The following TMEM132B variants were observed in gnomAD, a reference collection of about 807,000 sequenced individuals.
TMEM132B encodes transmembrane protein 132B.
Under a neutral mutation model 90.8 loss-of-function variants are expected in TMEM132B, and 18 were observed. The observed-to-expected ratio is 0.20, with a 90% CI of 0.14 to 0.29. TMEM132B has a LOEUF of 0.29. Among genes scored for constraint, TMEM132B ranks in the 10% least tolerant of loss-of-function variants. The pLI is 1.00. For missense variants in TMEM132B, 1,096 were observed against 1,326.8 expected, an observed-to-expected ratio of 0.83 and a Z score of 2.70; for synonymous variants, 504 against 523.3, an observed-to-expected ratio of 0.96 and a Z score of 0.50.
chr12:125,584,027 T>G, intron 5 of TMEM132B, 33 bp downstream of exon 5: 1 of 1,613,880 alleles, frequency 6.2e-7, no homozygotes, highest in Non-Finnish European at 8.5e-7. Flanking sequence ...CTGTCCTAAG[T>G]GCTCAGAGCT....
chr12:125,368,246 C>T (rs1172168256), intron 2 of TMEM132B, among the ~76,000 whole-genome samples: 1 of 152,128 alleles, frequency 6.6e-6, no homozygotes, highest in East Asian at 1.9e-4. Flanking sequence ...GCTGTCTCCT[C>T]ATGATTAGAT....
intron 2 of TMEM132B, among the ~76,000 whole-genome samples, chr12:125,377,842 C>T (rs1878541545): frequency 6.6e-6 from 1 of 152,144 alleles, no homozygotes; most frequent in African/African-American, 2.4e-5. Flanking sequence ...GGAGCACCCA[C>T]CCAGCTGGTG....
chr12:125,331,129 A>T (rs1876755372), intron 1 of TMEM132B, among the ~76,000 whole-genome samples: 2 of 151,604 alleles, frequency 1.3e-5, no homozygotes, highest in South Asian at 4.2e-4. Context: ...GGGTCTGCGG[A>T]GGAGGGAGCC....
At chr12:125,290,220 C>G (rs556245510) in intron 1 of TMEM132B, among the ~76,000 whole-genome samples, 8 of 152,364 alleles carry the variant, frequency 5.3e-5, no homozygotes, top group Admixed American at 5.2e-4. Context: ...GCCGAAGCTT[C>G]TGAACAGCAG....
At chr12:125,468,205 C>T (rs541275310) in intron 3 of TMEM132B, among the ~76,000 whole-genome samples, 45 of 151,722 alleles carry the variant, frequency 3.0e-4, no homozygotes, top group Non-Finnish European at 1.9e-4. Context: ...TGCAGGGCTG[C>T]ACCATTTTAC....
At chr12:125,300,538 C>G (rs1003829009) in intron 1 of TMEM132B, among the ~76,000 whole-genome samples, 1 of 152,166 alleles carries the variant, frequency 6.6e-6, no homozygotes, top group South Asian at 2.1e-4. Flanking sequence ...CCCTAGATAA[C>G]ACTAAGGCCC....
intron 1 of TMEM132B, among the ~76,000 whole-genome samples, chr12:125,220,179 A>G (rs1167233829): frequency 1.3e-5 from 2 of 152,260 alleles, no homozygotes; most frequent in African/African-American, 4.8e-5. Flanking sequence ...TTATAGCAAG[A>G]GTAGCATATT....
intron 1 of TMEM132B, among the ~76,000 whole-genome samples, chr12:125,191,338 C>A (rs1365437171): frequency 6.6e-6 from 1 of 152,092 alleles, no homozygotes; most frequent in African/African-American, 2.4e-5. Flanking sequence ...ATGGGATGCT[C>A]ACCACTCTGG....
At chr12:125,539,334 C>T (rs1476733160) in intron 4 of TMEM132B, among the ~76,000 whole-genome samples, 6 of 152,180 alleles carry the variant, frequency 3.9e-5, no homozygotes, top group Non-Finnish European at 7.3e-5. Flanking sequence ...CCTTGGAACA[C>T]GTCCTTCTCT....
chr12:125,403,571 A>G (rs1049691925), intron 2 of TMEM132B, among the ~76,000 whole-genome samples: 6 of 152,250 alleles, frequency 3.9e-5, no homozygotes, highest in African/African-American at 1.4e-4. Context: ...AATATTCAAG[A>G]CATAGATGTT....
At chr12:125,550,583 T>A (rs1325886541) in intron 4 of TMEM132B, among the ~76,000 whole-genome samples, 1 of 152,228 alleles carries the variant, frequency 6.6e-6, no homozygotes, top group East Asian at 1.9e-4. Context: ...CATATTTTTC[T>A]TTCTGTTTAA....
intron 5 of TMEM132B, among the ~76,000 whole-genome samples, chr12:125,634,597 C>T (rs76574132): frequency 0.028 from 4,229 of 152,260 alleles, 185 homozygotes; most frequent in African/African-American, 0.093. Context: ...AGGATATTGC[C>T]GCTGGTTTTT....
At chr12:125,488,514 T>G (rs903185537) in intron 3 of TMEM132B, among the ~76,000 whole-genome samples, 1 of 151,924 alleles carries the variant, frequency 6.6e-6, no homozygotes, top group Non-Finnish European at 1.5e-5. Context: ...AGTGAATGAG[T>G]CTCATGAGAT....
At chr12:125,434,988 T>A (rs1880659343) in intron 3 of TMEM132B, among the ~76,000 whole-genome samples, 1 of 152,186 alleles carries the variant, frequency 6.6e-6, no homozygotes, top group South Asian at 2.1e-4. Context: ...TACTAAGCGT[T>A]TGGGGAAACC....
chr12:125,505,005 G>T (rs1308867034), intron 3 of TMEM132B, among the ~76,000 whole-genome samples: 1 of 151,946 alleles, frequency 6.6e-6, no homozygotes, highest in Non-Finnish European at 1.5e-5. Context: ...AGGAAGCTCA[G>T]CTTAACTCCC....
At chr12:125,556,709 T>C (rs1884397393) in intron 4 of TMEM132B, among the ~76,000 whole-genome samples, 1 of 152,224 alleles carries the variant, frequency 6.6e-6, no homozygotes, top group Non-Finnish European at 1.5e-5. Context: ...GCCTCATATG[T>C]GTAGCCTCAT....
At chr12:125,635,996 C>T (rs1886469548) in intron 5 of TMEM132B, among the ~76,000 whole-genome samples, 1 of 152,180 alleles carries the variant, frequency 6.6e-6, no homozygotes, top group Non-Finnish European at 1.5e-5. Context: ...CTGAAATGCT[C>T]TCTGCAGCAC....
At chr12:125,306,983 T>G (rs1875988206) in intron 1 of TMEM132B, among the ~76,000 whole-genome samples, 1 of 152,264 alleles carries the variant, frequency 6.6e-6, no homozygotes, top group South Asian at 2.1e-4. Flanking sequence ...ACAGGGACTT[T>G]GCACCTATTT....
At chr12:125,389,054 AC>A (rs1878931253) in intron 2 of TMEM132B, among the ~76,000 whole-genome samples, 4 of 150,178 alleles carry the variant, frequency 2.7e-5, no homozygotes, top group African/African-American at 9.8e-5. Context: ...ACACACACAC[AC>A]AAACACACAA....
Sources: gnomAD v4.1 joint callset for allele counts (sites outside exome capture counted in the v4.1 genomes callset) on GRCh38, gnomAD v4.1.1 for gene constraint, MANE v1.5 for transcripts, NCBI Gene and HGNC (gene_info 2026-07-23, HGNC 2026-07-21) for gene names.